Variants in CDH4 observed in about 807,000 individuals in gnomAD.
CDH4 encodes the protein cadherin 4.
CDH4 carries 33 observed loss-of-function variants against 86.0 expected under a neutral mutation model. The observed-to-expected ratio is 0.38, with a 90% confidence interval of 0.29 to 0.51. CDH4 has a LOEUF of 0.51. CDH4 is among the 20% of genes least tolerant of loss of function. The probability of loss-of-function intolerance (pLI) is 0.86; values close to 1 mark genes in which losing one functional copy is unlikely to be tolerated. For missense variants in CDH4, 1,114 were observed against 1,307.4 expected (o/e 0.85, Z 2.28); for synonymous variants, 555 against 549.4 (o/e 1.01, Z -0.14).
intron 2 of CDH4, among the ~76,000 whole-genome samples, chr20:61,742,873 G>T (rs1057038793): frequency 1.3e-5 from 2 of 152,166 alleles, no homozygotes; most frequent in Non-Finnish European, 2.9e-5. Flanking sequence ...AGCACCCAGC[G>T]GTATCAATAG....
intron 4 of CDH4, among the ~76,000 whole-genome samples, chr20:61,793,982 C>CGA (rs1979378733): frequency 7.0e-6 from 1 of 142,490 alleles, no homozygotes; most frequent in African/African-American, 2.6e-5. Flanking sequence ...ACTAAAAATA[C>CGA]AAAAAAAAAA....
At chr20:61,845,758 C>G (rs776301520) in intron 5 of CDH4, among the ~76,000 whole-genome samples, 4 of 152,238 alleles carry the variant, frequency 2.6e-5, no homozygotes, top group Non-Finnish European at 5.9e-5. Context: ...TGTGCTTCTC[C>G]GTGGTAACTC....
At chr20:61,328,249 C>T (rs576850493) in intron 2 of CDH4, among the ~76,000 whole-genome samples, 9 of 152,236 alleles carry the variant, frequency 5.9e-5, no homozygotes, top group African/African-American at 1.7e-4. Flanking sequence ...AATCTCGGCT[C>T]ACTGCAACCT....
At chr20:61,261,210 A>C (rs2084126064) in intron 2 of CDH4, among the ~76,000 whole-genome samples, 1 of 152,196 alleles carries the variant, frequency 6.6e-6, no homozygotes, top group Non-Finnish European at 1.5e-5. Context: ...TTCCTAAGTC[A>C]GTGATTCCTA....
At chr20:61,493,051 A>AG (rs1327282097) in intron 2 of CDH4, among the ~76,000 whole-genome samples, 1 of 152,238 alleles carries the variant, frequency 6.6e-6, no homozygotes, top group Non-Finnish European at 1.5e-5. Flanking sequence ...GGAGCCCAGT[A>AG]GGTTTGAATG....
intron 2 of CDH4, among the ~76,000 whole-genome samples, chr20:61,273,364 G>A (rs111373931): frequency 8.4e-4 from 66 of 78,410 alleles, no homozygotes; most frequent in East Asian, 1.5e-3. Context: ...GGGGAGTACC[G>A]TGTGCAGTTT....
chr20:61,640,813 T>C (rs953752637), intron 2 of CDH4, among the ~76,000 whole-genome samples: 1 of 152,220 alleles, frequency 6.6e-6, no homozygotes, highest in African/African-American at 2.4e-5. Flanking sequence ...GTTTGAAGGG[T>C]AGCGGGAGTG....
At chr20:61,493,934 T>C (rs886288689) in intron 2 of CDH4, among the ~76,000 whole-genome samples, 2 of 152,160 alleles carry the variant, frequency 1.3e-5, no homozygotes, top group Non-Finnish European at 2.9e-5. Flanking sequence ...TGGTCCTCAG[T>C]GTCCCCCACA....
rs575538913 is a variant in CDH4 at position 61,810,183 on chromosome 20, T to C, written c.577-34485T>C. Among the ~76,000 whole-genome samples the C allele has an allele frequency of 1.3e-5, 2 of 151,934 alleles. No individual in the cohort carries two copies. The highest frequency in any genetic ancestry group is 6.6e-5 in the Admixed American group (1 of 15,262). On this transcript the variant is annotated intron_variant, in intron 4 of 15. Transcript: ENST00000614565. The surrounding 1 kb of genome is among the most constrained non-coding windows in gnomAD (Gnocchi z 4.3). ...TTCTCAAGACGGAGACAGAGATGGG[T>C]GAGGGAGGCCGGGCCAGCCACACTA...
At chr20:61,512,434 C>G (rs1337142620) in intron 2 of CDH4, among the ~76,000 whole-genome samples, 1 of 152,158 alleles carries the variant, frequency 6.6e-6, no homozygotes, top group Non-Finnish European at 1.5e-5. Flanking sequence ...TCATAATAAG[C>G]TTCATCTGGT....
chr20:61,613,306 G>A (rs2086699643), intron 2 of CDH4, among the ~76,000 whole-genome samples: 1 of 152,122 alleles, frequency 6.6e-6, no homozygotes. Context: ...AGAGTGAGCT[G>A]GGAGGCTTCA....
chr20:61,745,780 G>A (rs915121616), intron 3 of CDH4, among the ~76,000 whole-genome samples: 2 of 152,148 alleles, frequency 1.3e-5, no homozygotes. Context: ...TGACTTCCAA[G>A]CTGTCCCCAA....
intron 6 of CDH4, among the ~76,000 whole-genome samples, chr20:61,863,295 G>T (rs1450911619): frequency 1.3e-5 from 2 of 152,226 alleles, no homozygotes; most frequent in Non-Finnish European, 2.9e-5. Context: ...CCGGGGCGGG[G>T]GATGCTGTCC....
At position 61,518,584 on chromosome 20, in the gene CDH4, ATCATCCATCCATCATCATCCAC is replaced by A. The variant is rs2085843061; in HGVS notation, c.170-224965_170-224944del. ...CTATTTGTCATCTATCCATCCATAT[ATCATCCATCCATCATCATCCAC>A]TCATCCATCCATCCTTCATCCACCT... On this transcript the variant is annotated intron_variant, in intron 2 of 15. Transcript: ENST00000614565. This position sits in a 1 kb window ranked among gnomAD's most constrained non-coding sequence, Gnocchi z 6.3. 6.6e-6 allele frequency among the ~76,000 whole-genome samples: 1 copy of A among 151,636 alleles called. No individual in the cohort carries two copies. Among genetic ancestry groups the A allele is most frequent in the Non-Finnish European group, 1.5e-5 (1 of 67,910 alleles).
At chr20:61,799,771 G>C (rs1034337743) in intron 4 of CDH4, among the ~76,000 whole-genome samples, 5 of 152,176 alleles carry the variant, frequency 3.3e-5, no homozygotes, top group African/African-American at 1.2e-4. Context: ...GCGTGGGCCC[G>C]GTCACAGCGG....
chr20:61,864,558 G>A (rs916768617), intron 6 of CDH4, among the ~76,000 whole-genome samples: 5 of 152,258 alleles, frequency 3.3e-5, no homozygotes, highest in Middle Eastern at 3.4e-3. Flanking sequence ...ATCCTGGAGC[G>A]GCCACTGTGG....
At chr20:61,519,668 C>T (rs372418833) in intron 2 of CDH4, among the ~76,000 whole-genome samples, 4 of 152,250 alleles carry the variant, frequency 2.6e-5, no homozygotes, top group Admixed American at 2.0e-4. Flanking sequence ...GGGCGATTAC[C>T]CTGTGCTGCT....
At position 61,518,590 on chromosome 20, in the gene CDH4, C is replaced by T. The variant is rs2085843143; in HGVS notation, c.170-224973C>T. Among the ~76,000 whole-genome samples, 2 of 151,986 alleles carry T rather than the reference C, an allele frequency of 1.3e-5. No individual in the cohort carries two copies. The highest frequency in any genetic ancestry group is 4.2e-4 in the South Asian group (2 of 4,796). ...GTCATCTATCCATCCATATATCATC[C>T]ATCCATCATCATCCACTCATCCATC... On this transcript the variant is annotated intron_variant, in intron 2 of 15. Transcript: ENST00000614565. This position sits in a 1 kb window ranked among gnomAD's most constrained non-coding sequence, Gnocchi z 6.3.
At chr20:61,317,686 C>T (rs2084484259) in intron 2 of CDH4, among the ~76,000 whole-genome samples, 1 of 152,134 alleles carries the variant, frequency 6.6e-6, no homozygotes, top group Non-Finnish European at 1.5e-5. Flanking sequence ...GGTGCCACAA[C>T]CAAAAATGCC....
Sources: allele counts gnomAD v4.1 joint callset (sites outside exome capture counted in the v4.1 genomes callset), GRCh38; gene constraint gnomAD v4.1.1; non-coding constraint Gnocchi (gnomAD v3.1); transcripts MANE v1.5; gene names NCBI Gene and HGNC (gene_info 2026-07-23, HGNC 2026-07-21).